Variants in CACNA1I observed in about 807,000 individuals in gnomAD.
The protein encoded by CACNA1I is calcium voltage-gated channel subunit alpha1 I.
In CACNA1I, 74 loss-of-function variants were observed where a neutral mutation model predicts 201.6. The observed-to-expected ratio is 0.37, with a 90% CI of 0.30 to 0.45. CACNA1I has a LOEUF of 0.45. Ranked by LOEUF, CACNA1I falls within the 20% of genes least tolerant of loss-of-function variation. The pLI, the probability that CACNA1I is intolerant of heterozygous loss-of-function variation, is 1.00. For synonymous variants in CACNA1I, 1,431 were observed against 1,345.2 expected (o/e 1.06, Z -1.40); for missense variants, 2,346 against 3,138.1 (o/e 0.75, Z 6.03).
Position 39,679,129 on chromosome 22 carries a change from A to G in CACNA1I, c.5078A>G (p.His1693Arg), listed in dbSNP as rs1935601928. Residue 1693 changes from histidine to arginine, a missense_variant, in exon 32 of 37, where the codon CAC becomes CGC. Coordinates refer to ENST00000402142, the MANE Select transcript of CACNA1I (RefSeq NM_021096.4). ...IMKDTLRDCTHDERSCLSSLQ... is the reference protein window; with the variant it reads ...IMKDTLRDCTRDERSCLSSLQ... ...CAGGACACGCTGCGGGACTGCACCC[A>G]CGACGAGCGCAGCTGCCTGAGCAGC... is the stretch of plus-strand genomic sequence containing the variant. 6.3e-7 allele frequency: 1 copy of G among 1,594,240 alleles called. No individual in the cohort carries two copies.
Position 39,677,482 on chromosome 22 carries a change from G to C in CACNA1I, c.4933+63G>C. On this transcript the variant is annotated intron_variant, in intron 30 of 36. Transcript: ENST00000402142. The surrounding 1 kb of genome is among the most constrained non-coding windows in gnomAD (Gnocchi z 4.8). ...AGCAGGGCTGCAGGAGGAACTGGGG[G>C]GGCGGGGGAGGCCTGAGACCCCTGA... 2 of 1,185,946 alleles carry C rather than the reference G, an allele frequency of 1.7e-6. No homozygotes were observed. The highest frequency in any genetic ancestry group is 2.3e-6 in the Non-Finnish European group (2 of 858,676). The allele number at this position is 1,185,946 out of a possible 1,614,324, so 73.5% of individuals were successfully genotyped here. A position where few individuals can be genotyped will look rare whatever the true frequency, so the allele number is the denominator to read the frequency against.
intron 1 of CACNA1I, among the ~76,000 whole-genome samples, chr22:39,581,789 G>A (rs1210354468): frequency 6.6e-6 from 1 of 152,208 alleles, no homozygotes; most frequent in African/African-American, 2.4e-5. Flanking sequence ...TAATCAGCCA[G>A]GATGTCTTCT....
chr22:39,619,644 C>G (rs1340560245), intron 4 of CACNA1I, among the ~76,000 whole-genome samples: 1 of 152,140 alleles, frequency 6.6e-6, no homozygotes, highest in Non-Finnish European at 1.5e-5. Context: ...TTCTGAGTCC[C>G]AGGAGAGTCT....
chr22:39,685,028 GT>G lies in CACNA1I; in HGVS notation c.6027+531del, dbSNP rs1257936299. The G allele has an allele frequency of 5.4e-6, 1 of 185,564 alleles. No homozygotes were observed. The highest frequency in any genetic ancestry group is 2.4e-5 in the African/African-American group (1 of 42,264). 11.5% of individuals were successfully genotyped at this position (185,564 alleles called of 1,614,324 possible). ...AAGCACTGAGGGCTCCGCTGTGGGG[GT>G]GGGGAAATGGGGCCGGGCCGGCTCC... On this transcript the variant is annotated intron_variant, in intron 36 of 36. Coordinates refer to ENST00000402142, the MANE Select transcript of CACNA1I (RefSeq NM_021096.4). The surrounding 1 kb of genome is among the most constrained non-coding windows in gnomAD (Gnocchi z 5.0).
Position 39,665,824 on chromosome 22 carries a change from C to G in CACNA1I, c.3979-57C>G. On this transcript the variant is annotated intron_variant, in intron 22 of 36. Transcript: ENST00000402142. The surrounding 1 kb of genome is among the most constrained non-coding windows in gnomAD (Gnocchi z 5.5). Reference sequence around the variant, plus strand: ...AGTAAACGCGATCGAGAGGCGAGTTCCTCTCTGACTTGCAACCCTCACCTG... The same window carrying G: ...AGTAAACGCGATCGAGAGGCGAGTTGCTCTCTGACTTGCAACCCTCACCTG... The G allele has an allele frequency of 6.2e-7, 1 of 1,609,602 alleles. No homozygotes were observed. The highest frequency in any genetic ancestry group is 8.5e-7 in the Non-Finnish European group (1 of 1,176,622).
At chr22:39,618,223 G>T (rs1933606199) in intron 3 of CACNA1I, among the ~76,000 whole-genome samples, 1 of 130,154 alleles carries the variant, frequency 7.7e-6, no homozygotes, top group African/African-American at 2.5e-5. Flanking sequence ...GATGGTGTGT[G>T]ACTGTGTGCA....
rs753671957 is a variant in CACNA1I, at chr22:39,679,772, G to C, written c.5445G>C (p.Glu1815Asp). Residue 1815 changes from glutamate (E) to aspartate (D), a missense_variant, in exon 33 of 37, where the codon GAG becomes GAC. By Grantham distance (45) the Glu-to-Asp change is conservative. Coordinates refer to ENST00000402142, the MANE Select transcript of CACNA1I (RefSeq NM_021096.4). ...SVSLIIKDSL[E>D]GELTIIDNLS... ...CTTTAATCATCAAGGACTCCTTGGA[G>C]GGGGAGCTGACCATCATCGACAACC... 316 of 1,612,902 alleles carry C rather than the reference G, an allele frequency of 2.0e-4. No homozygotes were observed. The highest frequency in any genetic ancestry group is 2.5e-4 in the Non-Finnish European group (293 of 1,179,612).
rs1406494995 is a variant in CACNA1I, at chr22:39,598,194, G to A, written c.280G>A (p.Val94Met). 6.2e-7 allele frequency: 1 copy of A among 1,609,030 alleles called. No homozygotes were observed. Among genetic ancestry groups the A allele is most frequent in the Admixed American group, 1.7e-5 (1 of 59,510 alleles). ...CATGCTGGTGATCCTGCTGAACTGC[G>A]TGACACTTGGCATGTACCAGCCGTG... is the stretch of plus-strand genomic sequence containing the variant. ...VSMLVILLNC[V>M]TLGMYQPCDD... is the part of the protein sequence containing the mutation. Residue 94 changes from valine to methionine, a missense_variant, in exon 2 of 37, where the codon GTG (valine) becomes ATG (methionine). By Grantham distance (21) the Val-to-Met change is conservative (BLOSUM62 1). Around this residue, in one of 13 missense-constraint regions of CACNA1I, gnomAD observed 130 missense variants for 160.7 expected, o/e 0.81. Coordinates refer to ENST00000402142, the MANE Select transcript of CACNA1I (RefSeq NM_021096.4).
At chr22:39,616,346 G>A (rs1342008428) in intron 3 of CACNA1I, among the ~76,000 whole-genome samples, 1 of 152,186 alleles carries the variant, frequency 6.6e-6, no homozygotes, top group Non-Finnish European at 1.5e-5. Context: ...AGATCCTAAA[G>A]TTACTAACTG....
At chr22:39,656,961 G>A (rs923078500) in intron 10 of CACNA1I, among the ~76,000 whole-genome samples, 3 of 152,208 alleles carry the variant, frequency 2.0e-5, no homozygotes, top group Non-Finnish European at 4.4e-5. Flanking sequence ...CAGGGGAGCC[G>A]TGGCAGGGAG....
intron 4 of CACNA1I, among the ~76,000 whole-genome samples, chr22:39,622,418 T>G: frequency 6.8e-6 from 1 of 147,396 alleles, no homozygotes; most frequent in Non-Finnish European, 1.5e-5. Context: ...TCAGGGAGTG[T>G]AAAGGGCTTG....
chr22:39,606,980 T>G (rs1315328351), intron 3 of CACNA1I, among the ~76,000 whole-genome samples: 1 of 152,172 alleles, frequency 6.6e-6, no homozygotes, highest in African/African-American at 2.4e-5. Context: ...TAATTCTATC[T>G]CCTCCCCCAA....
Position 39,646,745 on chromosome 22 carries a change from C to T in CACNA1I, c.1326C>T (p.Val442=). Residue 442 remains valine (V), a synonymous_variant, in exon 8 of 37, where the codon GTC becomes GTT. Coordinates refer to ENST00000402142, the MANE Select transcript of CACNA1I (RefSeq NM_021096.4). Reference sequence around the variant, plus strand: ...GCTACGAGGAGATCTTCCAGTATGTCTGCCACATCCTGCGCAAGGCCAAGC... The same window carrying T: ...GCTACGAGGAGATCTTCCAGTATGTTTGCCACATCCTGCGCAAGGCCAAGC... ...GDCYEEIFQY[V]CHILRKAKRR... The T allele has an allele frequency of 6.3e-7, 1 of 1,595,900 alleles. No homozygotes were observed. The highest frequency in any genetic ancestry group is 8.5e-7 in the Non-Finnish European group (1 of 1,171,648).
In CACNA1I at chr22:39,678,023, G is replaced by A. The variant is rs1016081416; in HGVS notation, c.4970G>A (p.Arg1657Gln). 5.6e-6 allele frequency: 9 copies of A among 1,601,414 alleles called. No homozygotes were observed. The highest frequency in any genetic ancestry group is 3.4e-5 in the Admixed American group (2 of 58,318). ...NDENPCEGMS[R>Q]HATFENFGMA... The stretch of plus-strand genomic sequence containing the variant: ...GAGAACCCGTGCGAGGGCATGAGCC[G>A]GCATGCCACCTTCGAGAACTTCGGC... Residue 1657 changes from arginine (R) to glutamine (Q), a missense_variant, in exon 31 of 37, where the codon CGG becomes CAG. Transcript: ENST00000402142.
At chr22:39,642,775 C>G (rs975500775) in intron 6 of CACNA1I, 22 bp from the exon 7 acceptor site, 33 of 1,579,562 alleles carry the variant, frequency 2.1e-5, no homozygotes, top group Non-Finnish European at 2.5e-5. Flanking sequence ...CCTCTCGGCT[C>G]TCTCTCCTCT....
At chr22:39,620,863 TC>T (rs1933724233) in intron 4 of CACNA1I, among the ~76,000 whole-genome samples, 1 of 152,166 alleles carries the variant, frequency 6.6e-6, no homozygotes, top group Admixed American at 6.5e-5. Context: ...CAAGCAATTC[TC>T]CTCCTGTCTC....
chr22:39,641,040 C>A lies in CACNA1I; in HGVS notation c.914C>A (p.Ala305Glu). 2.5e-6 allele frequency: 4 copies of A among 1,614,010 alleles called. No homozygotes were observed. The highest frequency in any genetic ancestry group is 1.7e-6 in the Non-Finnish European group (2 of 1,179,902). The change falls in exon 6 of 37, where the codon GCG (alanine) becomes GAG (glutamate). Residue 305 changes from alanine (A) to glutamate (E), a missense_variant. By Grantham distance (107) the Ala-to-Glu change is moderately radical. Around this residue, in one of 13 missense-constraint regions of CACNA1I, gnomAD observed 227 missense variants for 412.5 expected, o/e 0.55. Coordinates refer to ENST00000402142, the MANE Select transcript of CACNA1I (RefSeq NM_021096.4). ...LSKDDVYDFGAGRQDLNASGL... is the reference protein window; with the variant it reads ...LSKDDVYDFGEGRQDLNASGL... ...AAGGACGACGTCTACGACTTTGGGG[C>A]GGGGCGCCAGGACCTCAATGCCAGC...
At chr22:39,662,549 G>T (rs943283236) in intron 17 of CACNA1I, 114 bp downstream of exon 17, 12 of 836,822 alleles carry the variant, frequency 1.4e-5, no homozygotes, top group Admixed American at 3.2e-5. Flanking sequence ...TGGCCGGGGC[G>T]TGGCCGGAGC....
intron 3 of CACNA1I, among the ~76,000 whole-genome samples, chr22:39,613,101 T>C (rs567361552): frequency 6.6e-6 from 1 of 152,346 alleles, no homozygotes; most frequent in East Asian, 1.9e-4. Flanking sequence ...CACACAGAAA[T>C]CATCTCCTGG....
Sources: allele counts gnomAD v4.1 joint callset (sites outside exome capture counted in the v4.1 genomes callset), GRCh38; gene constraint gnomAD v4.1.1; regional missense constraint gnomAD v4.1.1; non-coding constraint Gnocchi (gnomAD v3.1); transcripts MANE v1.5; gene names NCBI Gene and HGNC (gene_info 2026-07-23, HGNC 2026-07-21).